The following GALK2 variants were observed in gnomAD, a reference collection of about 807,000 sequenced individuals.
The protein encoded by GALK2 is galactokinase 2.
Under a neutral mutation model 52.4 loss-of-function variants are expected in GALK2, and 36 were observed. The ratio of observed to expected loss-of-function variants is 0.69; its 90% CI spans 0.53 to 0.91. The LOEUF is 0.91. GALK2 is among the 40% of genes least tolerant of loss of function. GALK2 has a pLI of 0.00. For missense variants in GALK2, 579 were observed against 559.1 expected, an observed-to-expected ratio of 1.04 and a Z score of -0.36; for synonymous variants, 176 against 199.1, an observed-to-expected ratio of 0.88 and a Z score of 0.98.
chr15:49,214,103 G>A (rs531113724), intron 2 of GALK2, among the ~76,000 whole-genome samples: 5 of 152,136 alleles, frequency 3.3e-5, no homozygotes, highest in Admixed American at 2.0e-4. Flanking sequence ...CTGGGCGACC[G>A]AGCAAGAGTC....
chr15:49,292,257 C>G (rs760189383), intron 7 of GALK2, 70 bp from the exon 8 acceptor site: 6 of 1,364,792 alleles, frequency 4.4e-6, no homozygotes, highest in Non-Finnish European at 5.1e-6. Flanking sequence ...AACGTTGAAT[C>G]TGGCTAATTA....
At position 49,236,847 on chromosome 15, in the gene GALK2, A is replaced by AAACTTTGTAATGAGCAGCTAGGACTTATT. The variant is rs1391786644; in HGVS notation, c.357+906_357+907insAACTTTGTAATGAGCAGCTAGGACTTATT. On this transcript the variant is annotated intron_variant, in intron 4 of 9. Coordinates refer to ENST00000560031, the MANE Select transcript of GALK2 (RefSeq NM_002044.4). The stretch of plus-strand genomic sequence containing the variant: ...ATGAGCAGCTAGGACTTAGTGGCAC[A>AAACTTTGTAATGAGCAGCTAGGACTTATT]TCCATTACAGAAATACATCAAATTT... Among the ~76,000 whole-genome samples, 9 of 152,238 alleles carry AAACTTTGTAATGAGCAGCTAGGACTTATT rather than the reference A, an allele frequency of 5.9e-5. No homozygotes were observed. The South Asian group carries it at 6.2e-4, about 11-fold the overall frequency.
chr15:49,306,651 C>T (rs899044838), intron 8 of GALK2, among the ~76,000 whole-genome samples: 1 of 152,154 alleles, frequency 6.6e-6, no homozygotes, highest in Admixed American at 6.5e-5. Flanking sequence ...CAGGCCAGCC[C>T]TAGGCAAGCA....
At position 49,225,328 on chromosome 15, in the gene GALK2, G is replaced by A. The variant is rs1436776832; in HGVS notation, c.266+8015G>A. On this transcript the variant is annotated intron_variant, in intron 3 of 9. Coordinates refer to ENST00000560031, the MANE Select transcript of GALK2 (RefSeq NM_002044.4). ...CTGTTACTGCTTCATGGCCTGTTCAGAAGTGGGCCACACAGCAGGAGGTGA... is the reference window on the plus strand; with the variant it reads ...CTGTTACTGCTTCATGGCCTGTTCAAAAGTGGGCCACACAGCAGGAGGTGA... The A allele has an allele frequency of 6.9e-6, 3 of 433,608 alleles. No homozygotes were observed. The Admixed American group carries it at 7.6e-5, about 11-fold the overall frequency. 26.9% of individuals were successfully genotyped at this position (433,608 alleles called of 1,614,324 possible).
chr15:49,156,177 C>T (rs1264445498), intron 1 of GALK2, among the ~76,000 whole-genome samples: 12 of 152,176 alleles, frequency 7.9e-5, no homozygotes, highest in Admixed American at 7.9e-4. Context: ...ATTAGGTATG[C>T]AGCTATCAGT....
At position 49,329,424 on chromosome 15, in the gene GALK2, G is replaced by C. The variant is rs1418597486; in HGVS notation, c.*1265G>C. On this transcript the variant is annotated 3_prime_UTR_variant, in exon 10 of 10. Transcript: ENST00000560031. ...GCATGAATTATCCAAAAAAATATCAGAATTACTTATTATTCTGTGATTTCA... is the reference window on the plus strand; with the variant it reads ...GCATGAATTATCCAAAAAAATATCACAATTACTTATTATTCTGTGATTTCA... 2 of 984,686 alleles carry C rather than the reference G, an allele frequency of 2.0e-6. No individual in the cohort carries two copies. Among genetic ancestry groups the C allele is most frequent in the African/African-American group, 1.7e-5 (1 of 57,208 alleles). The allele number at this position is 984,686 out of a possible 1,614,324, so 61.0% of individuals were successfully genotyped here. A position where few individuals can be genotyped will look rare whatever the true frequency, so the allele number is the denominator to read the frequency against.
intron 1 of GALK2, among the ~76,000 whole-genome samples, chr15:49,197,045 C>A (rs1264232281): frequency 6.6e-6 from 1 of 152,202 alleles, no homozygotes; most frequent in East Asian, 1.9e-4. Flanking sequence ...CGTGATCATG[C>A]CACTGCCCAT....
intron 3 of GALK2, among the ~76,000 whole-genome samples, chr15:49,364,829 A>G (rs1449161503): frequency 2.0e-5 from 3 of 152,170 alleles, no homozygotes; most frequent in Non-Finnish European, 4.4e-5. Context: ...TTTGAGTAAA[A>G]AAGCATAGGG....
At chr15:49,351,566 C>T (rs144661197) in intron 3 of GALK2, among the ~76,000 whole-genome samples, 2 of 152,198 alleles carry the variant, frequency 1.3e-5, no homozygotes, top group Non-Finnish European at 2.9e-5. Context: ...ATGGTGAGAA[C>T]TGAAACTAAC....
intron 3 of GALK2, among the ~76,000 whole-genome samples, chr15:49,361,237 T>A (rs1011042106): frequency 6.6e-6 from 1 of 152,146 alleles, no homozygotes; most frequent in Non-Finnish European, 1.5e-5. Context: ...TTACCTATGA[T>A]GCAAATTTTT....
chr15:49,359,992 A>G (rs1296069172), intron 3 of GALK2, among the ~76,000 whole-genome samples: 1 of 149,398 alleles, frequency 6.7e-6, no homozygotes, highest in Admixed American at 6.7e-5. Flanking sequence ...CGCAAGAACA[A>G]AAAACCAAAC....
downstream of GALK2, among the ~76,000 whole-genome samples, chr15:49,336,032 T>G (rs1474786567): frequency 1.3e-5 from 2 of 152,130 alleles, no homozygotes; most frequent in Non-Finnish European, 2.9e-5. Flanking sequence ...AACTTCAAAC[T>G]CCTGGGCTCT....
At chr15:49,279,097 G>A (rs1453410659) in intron 5 of GALK2, among the ~76,000 whole-genome samples, 2 of 152,206 alleles carry the variant, frequency 1.3e-5, no homozygotes, top group African/African-American at 4.8e-5. Flanking sequence ...CCCTTGACAC[G>A]TAGGGATTAT....
In GALK2 at chr15:49,331,496, T is replaced by C. The variant is rs547312215; in HGVS notation, c.*3337T>C. On this transcript the variant is annotated 3_prime_UTR_variant, in exon 10 of 10. Coordinates refer to ENST00000560031, the MANE Select transcript of GALK2 (RefSeq NM_002044.4). The stretch of plus-strand genomic sequence containing the variant: ...AATGAAAAACTTACAATTTTAAACA[T>C]CAGTGATTATTAGTTTGTAATTCTA... 1 of 348,100 alleles carries C rather than the reference T, an allele frequency of 2.9e-6. No homozygotes were observed. The highest frequency in any genetic ancestry group is 5.4e-5 in the East Asian group (1 of 18,376). The allele number at this position is 348,100 out of a possible 1,614,324, so 21.6% of individuals were successfully genotyped here.
chr15:49,292,716 A>G (rs1474609386), intron 8 of GALK2, among the ~76,000 whole-genome samples, 179 bp downstream of exon 8: 1 of 152,312 alleles, frequency 6.6e-6, no homozygotes, highest in East Asian at 1.9e-4. Flanking sequence ...ATTCACCACT[A>G]TGCTGGGTAG....
chr15:49,338,879 A>AT (rs1371775887), intron 3 of GALK2, among the ~76,000 whole-genome samples: 2 of 151,580 alleles, frequency 1.3e-5, no homozygotes, highest in Non-Finnish European at 2.9e-5. Context: ...CATTGAGTTG[A>AT]TTTTCAGTCT....
At position 49,292,556 on chromosome 15, in the gene GALK2, G is replaced by A. The variant is rs199912225; in HGVS notation, c.967+19G>A. 2 of 1,597,228 alleles carry A rather than the reference G, an allele frequency of 1.3e-6. No homozygotes were observed. The highest frequency in any genetic ancestry group is 1.7e-6 in the Non-Finnish European group (2 of 1,165,400). On this transcript the variant is annotated intron_variant, in intron 8 of 9. Coordinates refer to ENST00000560031, the MANE Select transcript of GALK2 (RefSeq NM_002044.4). ...CAAGATGGTGAGTTGGCTGGAGAAA[G>A]TATGATATATGTTATTCCCTCACTT...
intron 9 of GALK2, among the ~76,000 whole-genome samples, chr15:49,321,256 G>A (rs1057488653): frequency 8.5e-5 from 13 of 152,236 alleles, no homozygotes; most frequent in African/African-American, 3.1e-4. Flanking sequence ...AGGCCCTGAG[G>A]TGGATACTTG....
At chr15:49,294,809 G>A (rs1435947591) in intron 8 of GALK2, among the ~76,000 whole-genome samples, 2 of 152,148 alleles carry the variant, frequency 1.3e-5, no homozygotes, top group African/African-American at 4.8e-5. Context: ...CCTGTAGATG[G>A]TGGTTCAATT....
Sources: gnomAD v4.1 joint callset for allele counts (sites outside exome capture counted in the v4.1 genomes callset) on GRCh38, gnomAD v4.1.1 for gene constraint, MANE v1.5 for transcripts, NCBI Gene and HGNC (gene_info 2026-07-23, HGNC 2026-07-21) for gene names.